Variants in IL1RAPL1 observed in about 807,000 individuals in gnomAD.
IL1RAPL1 encodes interleukin 1 receptor accessory protein like 1, also known as interleukin-1 receptor accessory protein-like 1.
In IL1RAPL1, 3 loss-of-function variants were observed where a neutral mutation model predicts 48.4. The observed-to-expected ratio is 0.06, with a 90% CI of 0.03 to 0.16. The LOEUF (loss-of-function observed/expected upper bound fraction) is 0.16, where lower values mean the gene tolerates loss of function less well. IL1RAPL1 is among the 10% of genes least tolerant of loss of function. IL1RAPL1 has a pLI of 1.00. For missense variants in IL1RAPL1, 349 were observed against 530.6 expected, an observed-to-expected ratio of 0.66 and a Z score of 3.36; for synonymous variants, 185 against 187.7, an observed-to-expected ratio of 0.99 and a Z score of 0.12.
intron 6 of IL1RAPL1, among the ~76,000 whole-genome samples, chrX:29,687,803 A>C (rs1926667441): frequency 9.0e-6 from 1 of 111,586 alleles, no homozygotes; most frequent in Non-Finnish European, 1.9e-5. Flanking sequence ...AGGAAAAAAA[A>C]CCTCTGACCT....
chrX:29,419,087 G>A (rs188516880), intron 5 of IL1RAPL1, among the ~76,000 whole-genome samples: 28 of 111,808 alleles, frequency 2.5e-4, no homozygotes, highest in African/African-American at 8.8e-4. Context: ...TACTTCTGGT[G>A]CTGTTCAAAA....
At chrX:28,790,322 A>G (rs757004115) in intron 2 of IL1RAPL1, among the ~76,000 whole-genome samples, 1 of 112,823 alleles carries the variant, frequency 8.9e-6, no homozygotes, top group Admixed American at 9.4e-5. Context: ...AATTGCATGG[A>G]CAAAAGCATC....
At chrX:29,090,484 A>T (rs1246562330) in intron 2 of IL1RAPL1, among the ~76,000 whole-genome samples, 1 of 111,183 alleles carries the variant, frequency 9.0e-6, no homozygotes, top group Non-Finnish European at 1.9e-5. Context: ...TTTCAAACTT[A>T]TATAATCTGA....
intron 1 of IL1RAPL1, among the ~76,000 whole-genome samples, chrX:28,755,133 A>G (rs906037482): frequency 1.8e-5 from 2 of 111,458 alleles, no homozygotes; most frequent in East Asian, 5.6e-4. Context: ...AGCTGGGATT[A>G]CAGGTGCCTG....
intron 2 of IL1RAPL1, among the ~76,000 whole-genome samples, chrX:29,194,359 T>G (rs1243652337): frequency 8.9e-6 from 1 of 112,752 alleles, no homozygotes; most frequent in African/African-American, 3.2e-5. Flanking sequence ...AAAAATGATT[T>G]ATACAGTGTA....
rs5901931 is a variant in IL1RAPL1 at position 29,759,427 on chromosome X, C to CTT, written c.778+90930_778+90931dup. 1.5e-4 allele frequency among the ~76,000 whole-genome samples: 17 copies of CTT among 110,206 alleles called. No homozygotes were observed. The South Asian group carries it at 4.6e-3, about 30-fold the overall frequency. ...AGCTACCTTCATCTGTACCATAGTTCTTTTTTTTGGAGATCACTGGGATTA... is the reference window on the plus strand; with the variant it reads ...AGCTACCTTCATCTGTACCATAGTTCTTTTTTTTTTGGAGATCACTGGGATTA... On this transcript the variant is annotated intron_variant, in intron 6 of 10. Transcript: ENST00000378993.
At chrX:29,106,788 A>T (rs1019896005) in intron 2 of IL1RAPL1, among the ~76,000 whole-genome samples, 1 of 111,746 alleles carries the variant, frequency 8.9e-6, no homozygotes, top group African/African-American at 3.2e-5. Flanking sequence ...ATTATAAATC[A>T]GTAATAATTG....
intron 1 of IL1RAPL1, among the ~76,000 whole-genome samples, chrX:28,590,016 T>C (rs760551611): frequency 1.8e-5 from 2 of 111,879 alleles, no homozygotes; most frequent in Non-Finnish European, 3.8e-5. Flanking sequence ...ACTTTTACCA[T>C]CATATGAGAT....
In IL1RAPL1 at chrX:29,315,043, T is replaced by G. The variant is rs140620119; in HGVS notation, c.362+31826T>G. Among the ~76,000 whole-genome samples, 72 of 111,715 alleles carry G rather than the reference T, an allele frequency of 6.4e-4. No homozygotes were observed. The East Asian group carries it at 0.01, about 16-fold the overall frequency. ...TAAAAACCTGTCCTAGTGAAACTGATGCTTGACCTGGGCCTTAAAGGATGA... is the reference window on the plus strand; with the variant it reads ...TAAAAACCTGTCCTAGTGAAACTGAGGCTTGACCTGGGCCTTAAAGGATGA... On this transcript the variant is annotated intron_variant, in intron 3 of 10. Transcript: ENST00000378993.
At chrX:28,719,861 G>A (rs1486382185) in intron 1 of IL1RAPL1, among the ~76,000 whole-genome samples, 1 of 110,976 alleles carries the variant, frequency 9.0e-6, no homozygotes, top group Non-Finnish European at 1.9e-5. Flanking sequence ...AGGAATGGGG[G>A]ATGGAGTAAT....
Position 29,334,911 on chromosome X carries a change from G to A in IL1RAPL1, c.362+51694G>A, listed in dbSNP as rs1158777193. Among the ~76,000 whole-genome samples the A allele has an allele frequency of 1.4e-4, 15 of 110,990 alleles. No homozygotes were observed. In the East Asian group the frequency reaches 2.3e-3, roughly 17 times the overall value. On this transcript the variant is annotated intron_variant, in intron 3 of 10. Coordinates refer to ENST00000378993, the MANE Select transcript of IL1RAPL1 (RefSeq NM_014271.4). ...GAGGCTGCAATCTCGGCACTTTGGG[G>A]GGCCAATGCAGGCGGCTGGGAGGTG...
rs199688291 is a variant in IL1RAPL1 at position 28,806,848 on chromosome X, T to C, written c.82+17423T>C. Among the ~76,000 whole-genome samples, 14 of 111,334 alleles carry C rather than the reference T, an allele frequency of 1.3e-4. No homozygotes were observed. In the East Asian group the frequency reaches 3.7e-3, roughly 29 times the overall value. Reference sequence around the variant, plus strand: ...TGCTTTGTATCCTAGGGTTTCCGGCTTCCTGTGAATTGAGGAGAGGTTATT... The same window carrying C: ...TGCTTTGTATCCTAGGGTTTCCGGCCTCCTGTGAATTGAGGAGAGGTTATT... On this transcript the variant is annotated intron_variant, in intron 2 of 10. Transcript: ENST00000378993.
intron 2 of IL1RAPL1, among the ~76,000 whole-genome samples, chrX:29,001,675 CCTT>C (rs1464991985): frequency 9.0e-6 from 1 of 111,260 alleles, no homozygotes; most frequent in Non-Finnish European, 1.9e-5. Context: ...AAAGATTTGA[CCTT>C]CTAAAAGTTC....
intron 2 of IL1RAPL1, among the ~76,000 whole-genome samples, chrX:29,200,619 G>A (rs1266749807): frequency 7.2e-5 from 8 of 111,111 alleles, no homozygotes; most frequent in Non-Finnish European, 1.5e-4. Context: ...CATAAATTCA[G>A]CATGTGTTAA....
intron 2 of IL1RAPL1, among the ~76,000 whole-genome samples, chrX:28,823,853 G>A (rs1936963410): frequency 1.8e-5 from 2 of 110,921 alleles, no homozygotes; most frequent in African/African-American, 6.6e-5. Context: ...CCCATCTCAA[G>A]TTCCTTAACT....
chrX:29,675,535 A>G (rs1355072654), intron 6 of IL1RAPL1, among the ~76,000 whole-genome samples: 1 of 112,563 alleles, frequency 8.9e-6, no homozygotes, highest in Non-Finnish European at 1.9e-5. Context: ...TTCTAAATGA[A>G]GAACTTTAGG....
intron 6 of IL1RAPL1, among the ~76,000 whole-genome samples, chrX:29,684,134 T>A (rs778421620): frequency 8.9e-6 from 1 of 111,793 alleles, no homozygotes. Context: ...ACACCTACTA[T>A]GTACCCACAA....
intron 5 of IL1RAPL1, among the ~76,000 whole-genome samples, chrX:29,598,064 G>T (rs1221178480): frequency 2.7e-5 from 3 of 111,342 alleles, no homozygotes; most frequent in Non-Finnish European, 5.7e-5. Flanking sequence ...TTCTTCTGCT[G>T]GGTTTGGGTT....
At chrX:29,346,223 C>T (rs2147649378) in intron 3 of IL1RAPL1, among the ~76,000 whole-genome samples, 1 of 112,422 alleles carries the variant, frequency 8.9e-6, no homozygotes, top group South Asian at 3.7e-4. Flanking sequence ...CTAAAGATCC[C>T]TAATGTAATC....
Sources: allele counts gnomAD v4.1 joint callset (sites outside exome capture counted in the v4.1 genomes callset), GRCh38; gene constraint gnomAD v4.1.1; transcripts MANE v1.5; gene names NCBI Gene and HGNC (gene_info 2026-07-23, HGNC 2026-07-21).